The following TBC1D12 variants were observed in gnomAD, a reference collection of about 807,000 sequenced individuals.
The protein encoded by TBC1D12 is TBC1 domain family, member 12.
In TBC1D12, 56 loss-of-function variants were observed where a neutral mutation model predicts 86.7. The ratio of observed to expected loss-of-function variants is 0.65; its 90% confidence interval spans 0.52 to 0.81. The LOEUF is 0.81. TBC1D12 is among the 30% of genes least tolerant of loss of function. The probability of loss-of-function intolerance (pLI) is 0.00; values close to 1 mark genes in which losing one functional copy is unlikely to be tolerated. For missense variants in TBC1D12, 1,023 were observed against 1,038.8 expected, an observed-to-expected ratio of 0.98 and a Z score of 0.21; for synonymous variants, 421 against 411.7, an observed-to-expected ratio of 1.02 and a Z score of -0.27.
chr10:94,477,336 A>G (rs1324049323), intron 3 of TBC1D12, among the ~76,000 whole-genome samples: 1 of 152,226 alleles, frequency 6.6e-6, no homozygotes, highest in African/African-American at 2.4e-5. Flanking sequence ...ACTAAAACAA[A>G]CCAACAAAGT....
At chr10:94,440,523 C>G (rs2055365240) in intron 1 of TBC1D12, among the ~76,000 whole-genome samples, 1 of 152,000 alleles carries the variant, frequency 6.6e-6, no homozygotes, top group African/African-American at 2.4e-5. Flanking sequence ...GTAGGAGTCC[C>G]TTAACATTTT....
In TBC1D12 at chr10:94,402,922, C is replaced by A; in HGVS notation, c.309C>A (p.Ala103=). 1 of 1,528,324 alleles carries A rather than the reference C, an allele frequency of 6.5e-7. No individual in the cohort carries two copies. The highest frequency in any genetic ancestry group is 8.8e-7 in the Non-Finnish European group (1 of 1,142,286). The allele number at this position is 1,528,324 out of a possible 1,614,324, so 94.7% of individuals were successfully genotyped here. Residue 103 remains alanine (A), a synonymous_variant, in exon 1 of 13, where the codon GCC becomes GCA. Transcript: ENST00000225235. ...CCGGCGCCCCGCCGCCCTCGGCAGC[C>A]CCACGATCGGACGCCTGCCTGCTGG... ...GQAGAPPPSA[A]PRSDACLLGS... is the part of the protein sequence containing the mutation.
chr10:94,417,750 CTT>C (rs35840263), intron 1 of TBC1D12, among the ~76,000 whole-genome samples: 85 of 131,658 alleles, frequency 6.5e-4, no homozygotes, highest in East Asian at 1.2e-3. Context: ...GTCTCTTCTT[CTT>C]TTTTTTTTTT....
Position 94,509,110 on chromosome 10 carries a change from T to G in TBC1D12, c.1601-981T>G, listed in dbSNP as rs1016957585. 7.5e-5 allele frequency: 11 copies of G among 147,318 alleles called. No individual in the cohort carries two copies. The South Asian group carries it at 2.0e-3, about 27-fold the overall frequency. The allele number at this position is 147,318 out of a possible 1,614,324, so 9.1% of individuals were successfully genotyped here. A position where few individuals can be genotyped will look rare whatever the true frequency, so the allele number is the denominator to read the frequency against. On this transcript the variant is annotated intron_variant, in intron 7 of 12. Transcript: ENST00000225235. Reference sequence around the variant, plus strand: ...AAATTTCTTGATGGGAAAAAGTGTTTTTTTTTTTTTTTTTTTGAGATGCTC... The same window carrying G: ...AAATTTCTTGATGGGAAAAAGTGTTGTTTTTTTTTTTTTTTTGAGATGCTC...
intron 3 of TBC1D12, among the ~76,000 whole-genome samples, chr10:94,489,570 G>C (rs562046534): frequency 6.6e-6 from 1 of 152,242 alleles, no homozygotes; most frequent in African/African-American, 2.4e-5. Flanking sequence ...ACTGGTGCAG[G>C]CTTCTATTCT....
At chr10:94,451,798 C>T (rs561303809) in intron 2 of TBC1D12, among the ~76,000 whole-genome samples, 14 of 152,100 alleles carry the variant, frequency 9.2e-5, no homozygotes, top group African/African-American at 3.4e-4. Context: ...GTATGGAAGA[C>T]AGTTTGAAGG....
intron 1 of TBC1D12, among the ~76,000 whole-genome samples, chr10:94,418,029 C>G (rs2055024015): frequency 6.6e-6 from 1 of 152,144 alleles, no homozygotes; most frequent in African/African-American, 2.4e-5. Flanking sequence ...GCGGAGATTA[C>G]AGACGTGAGC....
At chr10:94,435,914 T>C (rs566180275) in intron 1 of TBC1D12, among the ~76,000 whole-genome samples, 8 of 152,208 alleles carry the variant, frequency 5.3e-5, no homozygotes, top group Non-Finnish European at 8.8e-5. Flanking sequence ...CCGATACTAT[T>C]TATTACACAA....
At chr10:94,518,840 C>A (rs1842068796) in intron 9 of TBC1D12, among the ~76,000 whole-genome samples, 1 of 152,020 alleles carries the variant, frequency 6.6e-6, no homozygotes, top group Non-Finnish European at 1.5e-5. Context: ...CTTAGGAGGT[C>A]AAGGCAGGCG....
intron 2 of TBC1D12, among the ~76,000 whole-genome samples, chr10:94,472,956 A>G (rs1032055266): frequency 1.3e-5 from 2 of 152,208 alleles, no homozygotes; most frequent in East Asian, 3.8e-4. Context: ...AAAGATGAAT[A>G]TGAAACTTTA....
At chr10:94,420,722 T>C (rs955691715) in intron 1 of TBC1D12, among the ~76,000 whole-genome samples, 7 of 152,234 alleles carry the variant, frequency 4.6e-5, no homozygotes, top group African/African-American at 1.7e-4. Context: ...TGCGTAATAG[T>C]CCATTGCTTG....
chr10:94,457,258 C>G (rs931541494), intron 2 of TBC1D12, among the ~76,000 whole-genome samples: 1 of 152,048 alleles, frequency 6.6e-6, no homozygotes, highest in East Asian at 1.9e-4. Flanking sequence ...CTCCCCTTGT[C>G]TCCCCACCCC....
chr10:94,516,271 A>G (rs990239256), intron 9 of TBC1D12, among the ~76,000 whole-genome samples: 2 of 152,204 alleles, frequency 1.3e-5, no homozygotes, highest in African/African-American at 2.4e-5. Flanking sequence ...ATAATATTCT[A>G]AATATTAAAC....
At chr10:94,465,369 C>T (rs186428988) in intron 2 of TBC1D12, among the ~76,000 whole-genome samples, 13 of 152,262 alleles carry the variant, frequency 8.5e-5, no homozygotes, top group East Asian at 1.9e-4. Context: ...GGCATAGGCC[C>T]GGGCGCAGTG....
intron 1 of TBC1D12, among the ~76,000 whole-genome samples, chr10:94,413,532 G>C (rs1371566209): frequency 6.6e-6 from 1 of 152,092 alleles, no homozygotes; most frequent in African/African-American, 2.4e-5. Context: ...TGCTGCTTCA[G>C]CCTTTCTTAT....
rs570907563 is a variant in TBC1D12, at chr10:94,481,727, C to G, written c.1211+6944C>G. On this transcript the variant is annotated intron_variant, in intron 3 of 12. Transcript: ENST00000225235. ...TAGCACTTTTAATTTCCTTCAAGAACTTTACCATTACATTCTCCACTTGCC... is the reference window on the plus strand; with the variant it reads ...TAGCACTTTTAATTTCCTTCAAGAAGTTTACCATTACATTCTCCACTTGCC... 3.3e-5 allele frequency among the ~76,000 whole-genome samples: 5 copies of G among 151,138 alleles called. No individual in the cohort carries two copies. The South Asian group carries it at 8.4e-4, about 25-fold the overall frequency.
chr10:94,526,174 A>G (rs1842284901), intron 11 of TBC1D12, among the ~76,000 whole-genome samples: 1 of 152,154 alleles, frequency 6.6e-6, no homozygotes, highest in Non-Finnish European at 1.5e-5. Context: ...GCTCATGCTC[A>G]TAATCCTAGC....
intron 3 of TBC1D12, among the ~76,000 whole-genome samples, chr10:94,484,710 T>C (rs1272164971): frequency 6.6e-6 from 1 of 152,228 alleles, no homozygotes; most frequent in Admixed American, 6.5e-5. Flanking sequence ...TTAACAATGT[T>C]GATTCTTCCA....
chr10:94,507,578 A>T (rs2056475513), intron 7 of TBC1D12, among the ~76,000 whole-genome samples: 1 of 152,222 alleles, frequency 6.6e-6, no homozygotes, highest in South Asian at 2.1e-4. Flanking sequence ...TAAAAGGTAA[A>T]GAAGTTTATA....
Sources: allele counts gnomAD v4.1 joint callset (sites outside exome capture counted in the v4.1 genomes callset), GRCh38; gene constraint gnomAD v4.1.1; transcripts MANE v1.5; gene names NCBI Gene and HGNC (gene_info 2026-07-23, HGNC 2026-07-21).